RFX7: variants seen among roughly 807,000 people sequenced by gnomAD.
The protein encoded by RFX7 is regulatory factor X7, also known as DNA-binding protein RFX7.
Under a neutral mutation model 111.8 loss-of-function variants are expected in RFX7, and 26 were observed. The observed-to-expected ratio is 0.23, with a 90% confidence interval of 0.17 to 0.32. The LOEUF is 0.32. Among genes scored for constraint, RFX7 ranks in the 10% least tolerant of loss-of-function variants. The pLI is 1.00. For missense variants in RFX7, 1,573 were observed against 1,772.9 expected (o/e 0.89, Z 2.02); for synonymous variants, 624 against 624.4 (o/e 1.00, Z 0.01).
At chr15:56,101,778 C>A (rs2041756666) in intron 7 of RFX7, among the ~76,000 whole-genome samples, 1 of 152,150 alleles carries the variant, frequency 6.6e-6, no homozygotes, top group Non-Finnish European at 1.5e-5. Flanking sequence ...GCGAATATAA[C>A]ATTTTAAATG....
intron 3 of RFX7, among the ~76,000 whole-genome samples, chr15:56,165,113 G>C (rs1458526549): frequency 6.6e-6 from 1 of 152,050 alleles, no homozygotes; most frequent in South Asian, 2.1e-4. Flanking sequence ...TCACAATAGG[G>C]TTTGTGCTCC....
intron 2 of RFX7, among the ~76,000 whole-genome samples, chr15:56,227,329 T>C (rs1302114935): frequency 6.6e-6 from 1 of 152,224 alleles, no homozygotes; most frequent in Non-Finnish European, 1.5e-5. Flanking sequence ...AGTCTTTTAA[T>C]TGGTGTTATT....
chr15:56,104,185 G>T (rs1335235384), intron 5 of RFX7, among the ~76,000 whole-genome samples: 2 of 152,108 alleles, frequency 1.3e-5, no homozygotes, highest in African/African-American at 4.8e-5. Context: ...AAGGGGAGAG[G>T]TTCCAAAGGT....
At chr15:56,202,266 T>C (rs1369642270) in intron 2 of RFX7, among the ~76,000 whole-genome samples, 1 of 152,162 alleles carries the variant, frequency 6.6e-6, no homozygotes, top group East Asian at 1.9e-4. Flanking sequence ...AAAAAACAGA[T>C]ATTACATTTA....
At chr15:56,164,699 C>T (rs1434821103) in intron 3 of RFX7, among the ~76,000 whole-genome samples, 2 of 152,080 alleles carry the variant, frequency 1.3e-5, no homozygotes, top group Non-Finnish European at 2.9e-5. Flanking sequence ...TAGTTAGTAC[C>T]TCTGCCGCGA....
In RFX7 at chr15:56,093,661, C is replaced by G. The variant is rs568725315; in HGVS notation, c.4067G>C (p.Gly1356Ala). The G allele has an allele frequency of 5.1e-5, 82 of 1,613,708 alleles. No homozygotes were observed. Among genetic ancestry groups the G allele is most frequent in the Admixed American group, 6.7e-5 (4 of 59,982 alleles). Residue 1356 changes from glycine (G) to alanine (A), a missense_variant, in exon 10 of 10, where the codon GGA becomes GCA. Gly to Ala is a moderately conservative substitution (Grantham distance 60). This residue lies in a region of RFX7 where 411 missense variants were observed against 478.1 expected (regional missense o/e 0.86). Transcript: ENST00000559447. ...CTGCTGGTTGGTTTGCAAGCTGTCTCCACTCAACAGGTCTTTAACAGTGCT... is the reference window on the plus strand; with the variant it reads ...CTGCTGGTTGGTTTGCAAGCTGTCTGCACTCAACAGGTCTTTAACAGTGCT... Reference protein sequence around the residue: ...FNSTVKDLLSGDSLQTNQQLV... With the variant: ...FNSTVKDLLSADSLQTNQQLV...
At chr15:56,142,490 T>C (rs1595960939) in intron 5 of RFX7, among the ~76,000 whole-genome samples, 1 of 152,296 alleles carries the variant, frequency 6.6e-6, no homozygotes. Context: ...AAGAATTCTA[T>C]AGGAATCCTT....
At chr15:56,115,598 T>C (rs368420374) in intron 5 of RFX7, among the ~76,000 whole-genome samples, 1 of 152,200 alleles carries the variant, frequency 6.6e-6, no homozygotes, top group East Asian at 1.9e-4. Flanking sequence ...TCTCTTTGTA[T>C]ACATACTTTC....
rs2140504901 is a variant in RFX7 at position 56,090,772 on chromosome 15, T to C, written c.*2573A>G. ...AAAGCACATTATAGTACAAGACTAT[T>C]ATATGAACCTCAGAAGCACTGCACA... On this transcript the variant is annotated 3_prime_UTR_variant, in exon 10 of 10. Coordinates refer to ENST00000559447, the MANE Select transcript of RFX7 (RefSeq NM_022841.7). The C allele has an allele frequency of 6.5e-6, 1 of 152,702 alleles. No individual in the cohort carries two copies. The highest frequency in any genetic ancestry group is 2.4e-5 in the African/African-American group (1 of 41,570). 9.5% of individuals were successfully genotyped at this position (152,702 alleles called of 1,614,324 possible).
chr15:56,152,608 C>T (rs1280370360), intron 3 of RFX7, among the ~76,000 whole-genome samples: 1 of 151,760 alleles, frequency 6.6e-6, no homozygotes, highest in Non-Finnish European at 1.5e-5. Flanking sequence ...CAGGAAAGAC[C>T]TAAAATTGAC....
intron 2 of RFX7, among the ~76,000 whole-genome samples, chr15:56,237,339 T>C (rs2043634809): frequency 6.6e-6 from 1 of 152,186 alleles, no homozygotes; most frequent in African/African-American, 2.4e-5. Flanking sequence ...TACAAGTGAA[T>C]GGGCATTCCT....
rs757112563 is a variant in RFX7, at chr15:56,092,799, G to A, written c.*546C>T. 1.3e-5 allele frequency: 2 copies of A among 152,530 alleles called. No homozygotes were observed. The highest frequency in any genetic ancestry group is 2.9e-5 in the Non-Finnish European group (2 of 68,054). The allele number at this position is 152,530 out of a possible 1,614,324, so 9.4% of individuals were successfully genotyped here. A position where few individuals can be genotyped will look rare whatever the true frequency, so the allele number is the denominator to read the frequency against. ...TCTATTTAAGCCCTTCATCGTGGGT[G>A]TAAATGGTACTGAAGCCCCAGAAAG... On this transcript the variant is annotated 3_prime_UTR_variant, in exon 10 of 10. Transcript: ENST00000559447.
At chr15:56,117,997 C>A (rs758340834) in intron 5 of RFX7, among the ~76,000 whole-genome samples, 3 of 151,814 alleles carry the variant, frequency 2.0e-5, no homozygotes, top group Non-Finnish European at 4.4e-5. Context: ...AGTAGGACTG[C>A]TGGATCATAT....
At chr15:56,138,160 T>C (rs1256561033) in intron 5 of RFX7, among the ~76,000 whole-genome samples, 1 of 130,728 alleles carries the variant, frequency 7.6e-6, no homozygotes, top group African/African-American at 2.9e-5. Flanking sequence ...GTTCAATTCC[T>C]GGGTATCCTT....
intron 3 of RFX7, among the ~76,000 whole-genome samples, chr15:56,153,654 G>T (rs2042608048): frequency 6.6e-6 from 1 of 152,070 alleles, no homozygotes; most frequent in South Asian, 2.1e-4. Context: ...AAAATAATAA[G>T]AGCTATTTAT....
At chr15:56,151,063 GA>G (rs1567028686) in intron 3 of RFX7, among the ~76,000 whole-genome samples, 2 of 152,076 alleles carry the variant, frequency 1.3e-5, no homozygotes, top group Non-Finnish European at 2.9e-5. Flanking sequence ...GGGACTACGT[GA>G]AAAGACCAAA....
At chr15:56,225,775 C>G (rs762315817) in intron 2 of RFX7, among the ~76,000 whole-genome samples, 7 of 152,130 alleles carry the variant, frequency 4.6e-5, no homozygotes, top group Non-Finnish European at 8.8e-5. Context: ...TGACTCACAT[C>G]TTCCCTATAG....
chr15:56,101,849 T>C (rs1472834794), intron 7 of RFX7, among the ~76,000 whole-genome samples: 1 of 152,186 alleles, frequency 6.6e-6, no homozygotes, highest in Non-Finnish European at 1.5e-5. Context: ...ACTATGCCAA[T>C]AGCCACACAT....
intron 5 of RFX7, among the ~76,000 whole-genome samples, chr15:56,121,071 C>T (rs950889202): frequency 1.2e-4 from 19 of 152,166 alleles, no homozygotes; most frequent in Admixed American, 6.5e-5. Flanking sequence ...TGTGTATACA[C>T]TATTACCACT....
Sources: allele counts gnomAD v4.1 joint callset (sites outside exome capture counted in the v4.1 genomes callset), GRCh38; gene constraint gnomAD v4.1.1; regional missense constraint gnomAD v4.1.1; transcripts MANE v1.5; gene names NCBI Gene and HGNC (gene_info 2026-07-23, HGNC 2026-07-21).